Variants in CPN1 observed in about 807,000 individuals in gnomAD.
The protein encoded by CPN1 is carboxypeptidase N catalytic chain.
Under a neutral mutation model 46.4 loss-of-function variants are expected in CPN1, and 37 were observed. The ratio of observed to expected loss-of-function variants is 0.80; its 90% CI spans 0.61 to 1.05. The LOEUF (loss-of-function observed/expected upper bound fraction) is 1.05, where lower values mean the gene tolerates loss of function less well. Among genes scored for constraint, CPN1 ranks in the 50% least tolerant of loss-of-function variants. The pLI is 0.00. For missense variants in CPN1, 563 were observed against 602.6 expected (o/e 0.93, Z 0.69); for synonymous variants, 224 against 235.4 (o/e 0.95, Z 0.44).
At chr10:100,079,306 CA>C (rs2041531638) in intron 1 of CPN1, among the ~76,000 whole-genome samples, 1 of 152,334 alleles carries the variant, frequency 6.6e-6, no homozygotes, top group Admixed American at 6.5e-5. Context: ...CCAGAGTCTA[CA>C]AAAGTGCCTG....
intron 7 of CPN1, among the ~76,000 whole-genome samples, chr10:100,049,106 G>A (rs12247707): frequency 0.26 from 39,030 of 151,700 alleles, 5,848 homozygotes; most frequent in Non-Finnish European, 0.34. Flanking sequence ...TTACAGGTGC[G>A]TGCCACCATG....
chr10:100,059,401 T>TAACAACAAC (rs71013407), intron 5 of CPN1, among the ~76,000 whole-genome samples: 9,248 of 151,006 alleles, frequency 0.061, 423 homozygotes, highest in African/African-American at 0.13. Context: ...AACATAACAA[T>TAACAACAAC]AACAACAACA....
chr10:100,078,970 A>G (rs1048264538), intron 1 of CPN1, among the ~76,000 whole-genome samples: 4 of 152,186 alleles, frequency 2.6e-5, no homozygotes, highest in Non-Finnish European at 5.9e-5. Context: ...TGTGCCAAGC[A>G]TGCTCCAGAG....
At chr10:100,067,703 C>A (rs1434289608) in intron 3 of CPN1, among the ~76,000 whole-genome samples, 3 of 152,142 alleles carry the variant, frequency 2.0e-5, no homozygotes, top group African/African-American at 7.2e-5. Flanking sequence ...CAGGAGCAGG[C>A]CCACCAGCAG....
chr10:100,073,100 AT>A (rs2041494799), intron 2 of CPN1, among the ~76,000 whole-genome samples: 1 of 152,106 alleles, frequency 6.6e-6, no homozygotes, highest in Admixed American at 6.6e-5. Context: ...TTATTCTCAG[AT>A]TTCTCCTCTT....
At chr10:100,057,397 T>C (rs2041390641) in intron 5 of CPN1, among the ~76,000 whole-genome samples, 1 of 152,154 alleles carries the variant, frequency 6.6e-6, no homozygotes, top group South Asian at 2.1e-4. Flanking sequence ...TTGGTGTAAA[T>C]GAGTGGGGCA....
Position 100,057,081 on chromosome 10 carries a change from G to A in CPN1, c.943C>T (p.Pro315Ser), listed in dbSNP as rs1296122332. The change falls in exon 6 of 9, where the codon CCC becomes TCC. Residue 315 changes from proline (P) to serine (S), a missense_variant. By Grantham distance (74) the Pro-to-Ser change is moderately conservative. Transcript: ENST00000370418. The part of the protein sequence containing the change: ...ITLELSCDKF[P>S]PEEELQREWL... ...TCCCGCTGTAACTCCTCTTCGGGGGGAAACTTGTCGCAACTCAGTTCCAGC... is the reference window on the plus strand; with the variant it reads ...TCCCGCTGTAACTCCTCTTCGGGGGAAAACTTGTCGCAACTCAGTTCCAGC... 2.5e-6 allele frequency: 4 copies of A among 1,614,136 alleles called. No homozygotes were observed. Among genetic ancestry groups the A allele is most frequent in the South Asian group, 1.1e-5 (1 of 91,078 alleles).
chr10:100,055,980 A>G (rs768514067), intron 6 of CPN1, among the ~76,000 whole-genome samples: 1 of 152,240 alleles, frequency 6.6e-6, no homozygotes, highest in Non-Finnish European at 1.5e-5. Context: ...TATCTCTTTG[A>G]GGCCCTTATT....
chr10:100,051,592 A>G (rs913003815), intron 7 of CPN1, among the ~76,000 whole-genome samples: 1 of 152,004 alleles, frequency 6.6e-6, no homozygotes, highest in African/African-American at 2.4e-5. Flanking sequence ...CAGTGGCTCA[A>G]TCCTGGCTCA....
chr10:100,056,960 T>A, intron 6 of CPN1, 53 bp downstream of exon 6: 1 of 1,613,170 alleles, frequency 6.2e-7, no homozygotes, highest in Non-Finnish European at 8.5e-7. Context: ...TTGCCTGCCA[T>A]TGAGAAGCAC....
At chr10:100,054,518 G>A in intron 6 of CPN1, 72 bp from the exon 7 acceptor site, 4 of 1,248,916 alleles carry the variant, frequency 3.2e-6, no homozygotes, top group Non-Finnish European at 3.5e-6. Context: ...GAGTCTCAAA[G>A]CCCTTTCTCT....
At chr10:100,068,740 T>C (rs2041468708) in intron 3 of CPN1, among the ~76,000 whole-genome samples, 1 of 152,136 alleles carries the variant, frequency 6.6e-6, no homozygotes, top group South Asian at 2.1e-4. Flanking sequence ...GGCCTCACTG[T>C]GTTGCCCAGG....
In CPN1 at chr10:100,079,040, G is replaced by A. The variant is rs115543215; in HGVS notation, c.223+2363C>T. 3.2e-3 allele frequency among the ~76,000 whole-genome samples: 487 copies of A among 152,324 alleles called. 1 individual carries two copies. The highest frequency in any genetic ancestry group is 0.011 in the African/African-American group (472 of 41,570). ...TTCCTCCTCAATATCAGCACGGCAT[G>A]TGCCATCACACCCATCCTTCAGCTC... On this transcript the variant is annotated intron_variant, in intron 1 of 8. Coordinates refer to ENST00000370418, the MANE Select transcript of CPN1 (RefSeq NM_001308.3).
chr10:100,060,157 G>A (rs935038277), intron 5 of CPN1, among the ~76,000 whole-genome samples: 1 of 152,168 alleles, frequency 6.6e-6, no homozygotes, highest in African/African-American at 2.4e-5. Context: ...AAGAGTTCTG[G>A]AGATGAGTGC....
intron 2 of CPN1, 57 bp downstream of exon 2, chr10:100,075,854 A>G: frequency 6.4e-7 from 1 of 1,550,660 alleles, no homozygotes; most frequent in Non-Finnish European, 8.9e-7. Flanking sequence ...TGTCCACTGG[A>G]CTTTATTTCC....
intron 6 of CPN1, among the ~76,000 whole-genome samples, chr10:100,054,760 C>G (rs906351591): frequency 1.3e-5 from 2 of 152,012 alleles, no homozygotes; most frequent in Non-Finnish European, 2.9e-5. Context: ...CTCTCTGATC[C>G]CATCTCCAAC....
intron 8 of CPN1, 98 bp from the exon 9 acceptor site, chr10:100,042,671 CA>C: frequency 6.8e-7 from 1 of 1,479,760 alleles, no homozygotes; most frequent in South Asian, 1.2e-5. Flanking sequence ...ATTATTATAG[CA>C]GTGACCCAGA....
chr10:100,059,878 T>C (rs2041407107), intron 5 of CPN1, among the ~76,000 whole-genome samples: 1 of 152,190 alleles, frequency 6.6e-6, no homozygotes, highest in Non-Finnish European at 1.5e-5. Flanking sequence ...CAAAATGTGG[T>C]ATAAACGTAT....
At position 100,075,941 on chromosome 10, in the gene CPN1, G is replaced by A. The variant is rs778548653; in HGVS notation, c.390C>T (p.Asn130=). 2.5e-5 allele frequency: 41 copies of A among 1,614,004 alleles called. No homozygotes were observed. Among genetic ancestry groups the A allele is most frequent in the Non-Finnish European group, 3.3e-5 (39 of 1,180,056 alleles). Reference sequence around the variant, plus strand: ...CAGCAGCCACCTCGTAGCCGTCGGGGTTCATGGATGGCAGGATGTGAATGC... The same window carrying A: ...CAGCAGCCACCTCGTAGCCGTCGGGATTCATGGATGGCAGGATGTGAATGC... The part of the protein sequence containing the change: ...DTRIHILPSM[N]PDGYEVAAAQ... Residue 130 remains asparagine (N), a synonymous_variant, in exon 2 of 9, where the codon AAC becomes AAT. Coordinates refer to ENST00000370418, the MANE Select transcript of CPN1 (RefSeq NM_001308.3).
Sources: gnomAD v4.1 joint callset for allele counts (sites outside exome capture counted in the v4.1 genomes callset) on GRCh38, gnomAD v4.1.1 for gene constraint, MANE v1.5 for transcripts, NCBI Gene and HGNC (gene_info 2026-07-23, HGNC 2026-07-21) for gene names.